Variants in LILRA2 observed in about 807,000 individuals in gnomAD.
LILRA2 encodes the protein leukocyte immunoglobulin-like receptor subfamily A member 2.
LILRA2 carries 45 observed loss-of-function variants against 47.9 expected under a neutral mutation model. The ratio of observed to expected loss-of-function variants is 0.94; its 90% CI spans 0.74 to 1.20. The LOEUF (loss-of-function observed/expected upper bound fraction) is 1.20. LILRA2 is among the 50% of genes most tolerant of loss of function. The probability of loss-of-function intolerance (pLI) is 0.00; values close to 1 mark genes in which losing one functional copy is unlikely to be tolerated. For synonymous variants in LILRA2, 279 were observed against 249.2 expected, an observed-to-expected ratio of 1.12 and a Z score of -1.13; for missense variants, 651 against 598.2, an observed-to-expected ratio of 1.09 and a Z score of -0.92.
At chr19:54,577,051 T>C (rs1220028249) in intron 6 of LILRA2, among the ~76,000 whole-genome samples, 1 of 151,078 alleles carries the variant, frequency 6.6e-6, no homozygotes, top group Non-Finnish European at 1.5e-5. Context: ...AACTGAGACT[T>C]GTTAAGAGTT....
Position 54,589,737 on chromosome 19 carries a change from A to G in LILRA2, c.*2391A>G, listed in dbSNP as rs897184691. 2 of 151,872 alleles carry G rather than the reference A, an allele frequency of 1.3e-5. No homozygotes were observed. Among genetic ancestry groups the G allele is most frequent in the Admixed American group, 6.6e-5 (1 of 15,258 alleles). The allele number at this position is 151,872 out of a possible 1,614,324, so 9.4% of individuals were successfully genotyped here. A position where few individuals can be genotyped will look rare whatever the true frequency, so the allele number is the denominator to read the frequency against. ...TCAGCTTTTCTCCTCTGTGCTTTCC[A>G]TGTCCCTGTGGTTCTCTGGTGAGCC... is the stretch of plus-strand genomic sequence containing the variant. On this transcript the variant is annotated 3_prime_UTR_variant, in exon 8 of 8. Transcript: ENST00000391738.
Position 54,579,858 on chromosome 19 carries a change from T to C in LILRA2, c.1255+3749T>C, listed in dbSNP as rs180686884. 1.5e-3 allele frequency among the ~76,000 whole-genome samples: 232 copies of C among 152,304 alleles called. 2 individuals are homozygous for C. Among genetic ancestry groups the C allele is most frequent in the African/African-American group, 5.1e-3 (213 of 41,552 alleles). ...TTAGTTGGATTCCTAGGTATTTTAT[T>C]CTCTTTGTAGTAATTGCAAATGGGA... On this transcript the variant is annotated intron_variant, in intron 6 of 7. Transcript: ENST00000391738.
At position 54,574,574 on chromosome 19, in the gene LILRA2, T is replaced by C. The variant is rs753735433; in HGVS notation, c.344T>C (p.Val115Ala). The change falls in exon 3 of 8, where the codon GTG (valine) becomes GCG (alanine). Residue 115 changes from valine (V) to alanine (A), a missense_variant. Physicochemically the swap from Val to Ala is moderately conservative, Grantham distance 64. Transcript: ENST00000391738. ...SSEYSDPLEL[V>A]VTGAYSKPTL... Reference sequence around the variant, plus strand: ...GAGTACAGTGACCCCCTGGAGCTGGTGGTGACAGGTGAGAGGACACTCAGG... The same window carrying C: ...GAGTACAGTGACCCCCTGGAGCTGGCGGTGACAGGTGAGAGGACACTCAGG... The C allele has an allele frequency of 9.3e-6, 15 of 1,613,924 alleles. No homozygotes were observed. In the Admixed American group the frequency reaches 1.8e-4, roughly 20 times the overall value.
chr19:54,575,805 A>G lies in LILRA2; in HGVS notation c.953-2A>G. ...CCCCTCACCCATCCTTCTTCTCTCT[A>G]GGACAGTTCTATGACAGACCCTCTC... On this transcript the variant is annotated splice_acceptor_variant, in intron 5 of 7. Transcript: ENST00000391738. LOFTEE classifies it high-confidence loss of function. 6.2e-7 allele frequency: 1 copy of G among 1,613,352 alleles called. No homozygotes were observed. The highest frequency in any genetic ancestry group is 1.1e-5 in the South Asian group (1 of 91,036).
rs140917793 is a variant in LILRA2, at chr19:54,584,478, T to C, written c.1256-2532T>C. ...TGGAGGCTTTGTTCATTTCTTTTCA[T>C]TCTCTTTTCTCTAATCTTGTCTTCT... On this transcript the variant is annotated intron_variant, in intron 6 of 7. Transcript: ENST00000391738. 9.3e-3 allele frequency among the ~76,000 whole-genome samples: 1,422 copies of C among 152,310 alleles called. 22 individuals are homozygous for C. The highest frequency in any genetic ancestry group is 0.033 in the African/African-American group (1,353 of 41,556).
At chr19:54,575,719 A>G in intron 5 of LILRA2, 88 bp from the exon 6 acceptor site, 1 of 1,591,038 alleles carries the variant, frequency 6.3e-7, no homozygotes, top group Non-Finnish European at 8.5e-7. Context: ...ACAGAGACAG[A>G]GAGACTAAGG....
At position 54,575,254 on chromosome 19, in the gene LILRA2, A is replaced by G; in HGVS notation, c.656-2A>G. 1 of 1,606,496 alleles carries G rather than the reference A, an allele frequency of 6.2e-7. No individual in the cohort carries two copies. Among genetic ancestry groups the G allele is most frequent in the Non-Finnish European group, 8.5e-7 (1 of 1,174,772 alleles). ...CTGGAAACCATGAACACCTTTTCCC[A>G]GGTGTTTCTAAGAAGCCATCACTCT... On this transcript the variant is annotated splice_acceptor_variant, in intron 4 of 7. Transcript: ENST00000391738. LOFTEE classifies it high-confidence loss of function.
chr19:54,573,697 G>A (rs2062222594), upstream of LILRA2: 8 of 1,246,702 alleles, frequency 6.4e-6, no homozygotes, highest in Middle Eastern at 2.0e-4. Context: ...CCCCACCTCA[G>A]CCCTAAAGGT....
At chr19:54,573,294 C>A, upstream of LILRA2, 1 of 586,692 alleles carries the variant, frequency 1.7e-6, no homozygotes, top group South Asian at 1.7e-5. Context: ...CTGCATTACT[C>A]CTCTGTGCTC....
In LILRA2 at chr19:54,589,869, T is replaced by G. The variant is rs1025214391; in HGVS notation, c.*2523T>G. The G allele has an allele frequency of 2.0e-5, 3 of 152,100 alleles. No individual in the cohort carries two copies. The highest frequency in any genetic ancestry group is 2.9e-5 in the Non-Finnish European group (2 of 68,020). 9.4% of individuals were successfully genotyped at this position (152,100 alleles called of 1,614,324 possible). ...GCCAGCTGTTTCCATTCATCCAACC[T>G]GAACCTGAGCCCCCGATCATTTTTT... On this transcript the variant is annotated 3_prime_UTR_variant, in exon 8 of 8. Coordinates refer to ENST00000391738, the MANE Select transcript of LILRA2 (RefSeq NM_001130917.3).
At position 54,583,568 on chromosome 19, in the gene LILRA2, A is replaced by G. The variant is rs1013175478; in HGVS notation, c.1256-3442A>G. Among the ~76,000 whole-genome samples the G allele has an allele frequency of 3.3e-5, 5 of 150,732 alleles. No individual in the cohort carries two copies. In the South Asian group the frequency reaches 1.0e-3, roughly 31 times the overall value. Reference sequence around the variant, plus strand: ...TGATCTTTGTTGGTTTAAAGTCTGTATTATCAGAGACTAGGATTGCAACTC... The same window carrying G: ...TGATCTTTGTTGGTTTAAAGTCTGTGTTATCAGAGACTAGGATTGCAACTC... On this transcript the variant is annotated intron_variant, in intron 6 of 7. Coordinates refer to ENST00000391738, the MANE Select transcript of LILRA2 (RefSeq NM_001130917.3).
intron 6 of LILRA2, among the ~76,000 whole-genome samples, chr19:54,577,235 C>G (rs2145982125): frequency 6.6e-6 from 1 of 152,016 alleles, no homozygotes; most frequent in Middle Eastern, 3.4e-3. Flanking sequence ...AATTTTCTAC[C>G]AAAATCAATA....
At chr19:54,581,617 A>G (rs1300489274) in intron 6 of LILRA2, among the ~76,000 whole-genome samples, 1 of 151,410 alleles carries the variant, frequency 6.6e-6, no homozygotes, top group Admixed American at 6.6e-5. Context: ...CTTGTAGTAT[A>G]GTTTGAAGTC....
chr19:54,582,256 C>T (rs545275049), intron 6 of LILRA2, among the ~76,000 whole-genome samples: 9 of 152,020 alleles, frequency 5.9e-5, no homozygotes, highest in Non-Finnish European at 8.8e-5. Context: ...TGTGTGTCTA[C>T]GAGGCTTTGG....
In LILRA2 at chr19:54,589,762, C is replaced by T. The variant is rs1394324660; in HGVS notation, c.*2416C>T. The stretch of plus-strand genomic sequence containing the variant: ...ATGTCCCTGTGGTTCTCTGGTGAGC[C>T]CCATCATGCTGTCCTAGAAGATCCA... On this transcript the variant is annotated 3_prime_UTR_variant, in exon 8 of 8. Transcript: ENST00000391738. 1 of 152,088 alleles carries T rather than the reference C, an allele frequency of 6.6e-6. No individual in the cohort carries two copies. The highest frequency in any genetic ancestry group is 1.5e-5 in the Non-Finnish European group (1 of 68,024). 9.4% of individuals were successfully genotyped at this position (152,088 alleles called of 1,614,324 possible).
Position 54,575,489 on chromosome 19 carries a change from A to C in LILRA2, c.889A>C (p.Ser297Arg). 1 of 1,612,362 alleles carries C rather than the reference A, an allele frequency of 6.2e-7. No individual in the cohort carries two copies. The highest frequency in any genetic ancestry group is 8.5e-7 in the Non-Finnish European group (1 of 1,179,722). Residue 297 changes from serine (S) to arginine (R), a missense_variant, in exon 5 of 8, where the codon AGT becomes CGT. Coordinates refer to ENST00000391738, the MANE Select transcript of LILRA2 (RefSeq NM_001130917.3). ...PSHGGQYRCY[S>R]AHNLSSEWSA... ...CCACGGGGGCCAGTACAGATGCTAC[A>C]GTGCACACAACCTCTCCTCCGAGTG...
chr19:54,587,169 T>A (rs1190957982), intron 7 of LILRA2, 32 bp from the exon 8 acceptor site: 1 of 1,613,608 alleles, frequency 6.2e-7, no homozygotes, highest in Non-Finnish European at 8.5e-7. Flanking sequence ...GTGATTCCGA[T>A]CTGCCCTGAC....
chr19:54,586,984 C>T (rs766249836), intron 6 of LILRA2, 26 bp from the exon 7 acceptor site: 4 of 1,591,408 alleles, frequency 2.5e-6, no homozygotes, highest in Non-Finnish European at 3.4e-6. Context: ...GGGCTCAGGG[C>T]TCTTCTCCAC....
intron 6 of LILRA2, among the ~76,000 whole-genome samples, chr19:54,583,571 A>G (rs143081438): frequency 0.035 from 5,318 of 151,188 alleles, 117 homozygotes; most frequent in South Asian, 0.056. Flanking sequence ...AGTCTGTATT[A>G]TCAGAGACTA....
Sources: allele counts gnomAD v4.1 joint callset (sites outside exome capture counted in the v4.1 genomes callset), GRCh38; gene constraint gnomAD v4.1.1; transcripts MANE v1.5; gene names NCBI Gene and HGNC (gene_info 2026-07-23, HGNC 2026-07-21).